BMPR1A: variants seen among roughly 807,000 people sequenced by gnomAD.
BMPR1A encodes the protein bone morphogenetic protein receptor type 1A.
In BMPR1A, 7 loss-of-function variants were observed where a neutral mutation model predicts 66.0. That is an observed-to-expected ratio of 0.11 (90% CI 0.06 to 0.20). BMPR1A has a LOEUF of 0.20. BMPR1A is among the 10% of genes least tolerant of loss of function. The probability of loss-of-function intolerance (pLI) is 1.00; values close to 1 mark genes in which losing one functional copy is unlikely to be tolerated. For missense variants in BMPR1A, 408 were observed against 669.1 expected (o/e 0.61, Z 4.31); for synonymous variants, 200 against 229.7 (o/e 0.87, Z 1.17).
intron 2 of BMPR1A, among the ~76,000 whole-genome samples, chr10:86,845,409 G>A (rs889661350): frequency 2.0e-5 from 3 of 152,160 alleles, no homozygotes; most frequent in Non-Finnish European, 4.4e-5. Flanking sequence ...AGGTTGCTCC[G>A]TGAGCTTTAA....
chr10:86,910,936 TC>T, intron 7 of BMPR1A, among the ~76,000 whole-genome samples: 1 of 152,008 alleles, frequency 6.6e-6, no homozygotes, highest in East Asian at 1.9e-4. Flanking sequence ...CAAATCAACT[TC>T]CTATCCCAGG....
At chr10:86,761,630 C>A (rs1333745786) in intron 1 of BMPR1A, among the ~76,000 whole-genome samples, 1 of 152,166 alleles carries the variant, frequency 6.6e-6, no homozygotes, top group Non-Finnish European at 1.5e-5. Flanking sequence ...TATTTATATC[C>A]TGCTCAAGGT....
intron 5 of BMPR1A, among the ~76,000 whole-genome samples, chr10:86,894,250 T>C (rs1301960128): frequency 6.6e-6 from 1 of 152,274 alleles, no homozygotes; most frequent in Non-Finnish European, 1.5e-5. Flanking sequence ...TACTCACTCA[T>C]GCTGCTGCTA....
chr10:86,815,340 A>G (rs1842021789), intron 1 of BMPR1A, among the ~76,000 whole-genome samples: 1 of 151,868 alleles, frequency 6.6e-6, no homozygotes, highest in Non-Finnish European at 1.5e-5. Flanking sequence ...TTCCTGTTCA[A>G]TTCTGTTTTA....
intron 9 of BMPR1A, among the ~76,000 whole-genome samples, chr10:86,917,922 TG>T (rs1843602134): frequency 6.6e-6 from 1 of 152,144 alleles, no homozygotes; most frequent in Non-Finnish European, 1.5e-5. Context: ...ACAAACTGGG[TG>T]GCTTCAACCT....
At chr10:86,822,700 G>A (rs1199115006) in intron 1 of BMPR1A, among the ~76,000 whole-genome samples, 1 of 151,802 alleles carries the variant, frequency 6.6e-6, no homozygotes, top group Non-Finnish European at 1.5e-5. Context: ...GCAGTGGCGC[G>A]ATCTCGGCTC....
chr10:86,874,825 A>T (rs185091945), intron 2 of BMPR1A, among the ~76,000 whole-genome samples: 2 of 147,436 alleles, frequency 1.4e-5, no homozygotes, highest in Non-Finnish European at 3.0e-5. Context: ...CCTGGGTTCA[A>T]GTGATTCTCC....
At chr10:86,920,319 G>A (rs566851577) in intron 10 of BMPR1A, among the ~76,000 whole-genome samples, 4 of 152,230 alleles carry the variant, frequency 2.6e-5, no homozygotes, top group South Asian at 2.1e-4. Context: ...TTACACACCC[G>A]TAAGCAGTAG....
Position 86,912,485 on chromosome 10 carries a change from G to A in BMPR1A, c.675+101G>A, listed in dbSNP as rs527432810. On this transcript the variant is annotated intron_variant, in intron 8 of 12. Transcript: ENST00000372037. ...TATTGCAGATCAGGGAACAATAATG[G>A]ACACATTTTTTTCTCCTTATTTAGA... 2.4e-4 allele frequency: 344 copies of A among 1,439,786 alleles called. 3 individuals are homozygous for A. In the African/African-American group the frequency reaches 4.5e-3, roughly 19 times the overall value. 89.2% of individuals were successfully genotyped at this position (1,439,786 alleles called of 1,614,324 possible). A position where few individuals can be genotyped will look rare whatever the true frequency, so the allele number is the denominator to read the frequency against.
chr10:86,872,280 A>G (rs1026717656), intron 2 of BMPR1A, among the ~76,000 whole-genome samples: 4 of 152,214 alleles, frequency 2.6e-5, no homozygotes. Context: ...GGAAACTTCT[A>G]TTTAGCACCT....
chr10:86,879,851 G>T (rs1240681233), intron 3 of BMPR1A, among the ~76,000 whole-genome samples: 2 of 152,190 alleles, frequency 1.3e-5, no homozygotes, highest in Non-Finnish European at 2.9e-5. Context: ...CCATTCAGAG[G>T]AAGAAAAATT....
intron 7 of BMPR1A, among the ~76,000 whole-genome samples, chr10:86,900,920 G>A (rs973945300): frequency 6.6e-6 from 1 of 152,216 alleles, no homozygotes; most frequent in Non-Finnish European, 1.5e-5. Context: ...CACTGCCTGG[G>A]GTTCCTCCCC....
At chr10:86,793,175 C>T (rs186445784) in intron 1 of BMPR1A, among the ~76,000 whole-genome samples, 61 of 134,970 alleles carry the variant, frequency 4.5e-4, no homozygotes, top group African/African-American at 1.7e-3. Context: ...ATTTATGTTT[C>T]GGAATTTCAG....
At chr10:86,789,347 AAAC>A (rs1267430345) in intron 1 of BMPR1A, among the ~76,000 whole-genome samples, 1 of 152,222 alleles carries the variant, frequency 6.6e-6, no homozygotes, top group South Asian at 2.1e-4. Flanking sequence ...TCGAGTGAGA[AAAC>A]AAGCCATAGA....
chr10:86,808,548 G>A (rs2132918069), intron 1 of BMPR1A, among the ~76,000 whole-genome samples: 1 of 152,278 alleles, frequency 6.6e-6, no homozygotes, highest in Non-Finnish European at 1.5e-5. Flanking sequence ...GAGATTTGAA[G>A]CAATGGCCTG....
intron 1 of BMPR1A, among the ~76,000 whole-genome samples, chr10:86,826,442 C>CACACACA (rs1448978431): frequency 2.1e-5 from 2 of 95,912 alleles, no homozygotes; most frequent in Admixed American, 1.0e-4. Context: ...ACACACACAC[C>CACACACA]CGCTTTTGGC....
Position 86,826,682 on chromosome 10 carries a change from AT to A in BMPR1A, c.-267-12175del, listed in dbSNP as rs549102274. Among the ~76,000 whole-genome samples, 505 of 151,880 alleles carry A rather than the reference AT, an allele frequency of 3.3e-3. 8 individuals are homozygous for A. Among genetic ancestry groups the A allele is most frequent in the African/African-American group, 0.011 (469 of 41,398 alleles). On this transcript the variant is annotated intron_variant, in intron 1 of 12. Transcript: ENST00000372037. Reference sequence around the variant, plus strand: ...CCATTATATTACATTAGGAGAAGTAATTTTTTTTACATGTTTTTTTTCCGCT... The same window carrying A: ...CCATTATATTACATTAGGAGAAGTAATTTTTTTACATGTTTTTTTTCCGCT...
Position 86,912,349 on chromosome 10 carries a change from C to A in BMPR1A, c.640C>A (p.Gln214Lys), listed in dbSNP as rs1305429176. ...ACTAAAAGACCTTATTGACCAGTCA[C>A]AAAGTTCTGGTAGTGGGTCTGGACT... ...ESLKDLIDQS[Q>K]SSGSGSGLPL... is the part of the protein sequence containing the mutation. The change falls in exon 8 of 13, where the codon CAA becomes AAA. Residue 214 changes from glutamine (Q) to lysine (K), a missense_variant. Transcript: ENST00000372037. The A allele has an allele frequency of 1.9e-6, 3 of 1,613,942 alleles. No homozygotes were observed. Among genetic ancestry groups the A allele is most frequent in the Non-Finnish European group, 2.5e-6 (3 of 1,179,958 alleles).
In BMPR1A at chr10:86,923,449, G is replaced by C. The variant is rs1410256559; in HGVS notation, c.1416G>C (p.Glu472Asp). 3 of 1,614,110 alleles carry C rather than the reference G, an allele frequency of 1.9e-6. No homozygotes were observed. Among genetic ancestry groups the C allele is most frequent in the Non-Finnish European group, 2.5e-6 (3 of 1,180,046 alleles). ...ATCCGTCATACGAAGATATGCGTGAGGTTGTGTGTGTCAAACGTTTGCGGC... is the reference window on the plus strand; with the variant it reads ...ATCCGTCATACGAAGATATGCGTGACGTTGTGTGTGTCAAACGTTTGCGGC... ...PSDPSYEDMR[E>D]VVCVKRLRPI... is the part of the protein sequence containing the mutation. The change falls in exon 12 of 13, where the codon GAG becomes GAC. Residue 472 changes from glutamate to aspartate, a missense_variant. Glu to Asp is a conservative substitution (Grantham distance 45). Transcript: ENST00000372037.
Sources: gnomAD v4.1 joint callset for allele counts (sites outside exome capture counted in the v4.1 genomes callset) on GRCh38, gnomAD v4.1.1 for gene constraint, MANE v1.5 for transcripts, NCBI Gene and HGNC (gene_info 2026-07-23, HGNC 2026-07-21) for gene names.